Variants in NLGN1 observed in about 807,000 individuals in gnomAD.
NLGN1 encodes neuroligin-1.
A neutral mutation model predicts 65.5 loss-of-function variants in NLGN1; 12 were observed. That is an observed-to-expected ratio of 0.18 (90% confidence interval 0.12 to 0.30). NLGN1 has a LOEUF of 0.30. NLGN1 is among the 10% of genes least tolerant of loss of function. NLGN1 has a pLI of 1.00. For missense variants in NLGN1, 750 were observed against 1,007.1 expected (o/e 0.74, Z 3.46); for synonymous variants, 350 against 359.5 (o/e 0.97, Z 0.30).
chr3:173,531,358 T>A (rs1393320195), intron 2 of NLGN1, among the ~76,000 whole-genome samples: 1 of 152,082 alleles, frequency 6.6e-6, no homozygotes, highest in Non-Finnish European at 1.5e-5. Flanking sequence ...GACATTGCAA[T>A]TTTTTAAAAT....
chr3:173,730,333 C>T (rs1047009242), intron 3 of NLGN1, among the ~76,000 whole-genome samples: 4 of 143,948 alleles, frequency 2.8e-5, no homozygotes, highest in Admixed American at 6.9e-5. Context: ...CCCCCCCCCC[C>T]GCAAAAATAG....
At chr3:174,005,636 C>T (rs974359436) in intron 4 of NLGN1, among the ~76,000 whole-genome samples, 17 of 152,080 alleles carry the variant, frequency 1.1e-4, no homozygotes, top group Admixed American at 1.0e-3. Flanking sequence ...CCCTTACGAG[C>T]AGACACAATA....
At chr3:173,645,820 G>C (rs1362513489) in intron 3 of NLGN1, among the ~76,000 whole-genome samples, 3 of 152,142 alleles carry the variant, frequency 2.0e-5, no homozygotes, top group Non-Finnish European at 4.4e-5. Flanking sequence ...AGAAAGGATC[G>C]GTTCTTTCTC....
At chr3:173,960,639 G>A in intron 4 of NLGN1, among the ~76,000 whole-genome samples, 1 of 151,882 alleles carries the variant, frequency 6.6e-6, no homozygotes, top group African/African-American at 2.4e-5. Flanking sequence ...ACAGATATAG[G>A]ATAATCATTT....
intron 4 of NLGN1, among the ~76,000 whole-genome samples, chr3:174,167,606 T>C (rs35837166): frequency 0.32 from 46,730 of 147,784 alleles, 8,710 homozygotes; most frequent in Non-Finnish European, 0.42. Flanking sequence ...TTTTTTTTTT[T>C]TTTAACCTAG....
chr3:174,102,612 A>G (rs1323070456), intron 4 of NLGN1, among the ~76,000 whole-genome samples: 1 of 152,200 alleles, frequency 6.6e-6, no homozygotes, highest in Non-Finnish European at 1.5e-5. Flanking sequence ...TTAAAAAAAT[A>G]ACGAAGAACA....
At chr3:173,661,524 T>A (rs1047403518) in intron 3 of NLGN1, among the ~76,000 whole-genome samples, 1 of 151,970 alleles carries the variant, frequency 6.6e-6, no homozygotes, top group East Asian at 1.9e-4. Context: ...TAAGCGAGAT[T>A]ATAGAGCAGG....
chr3:173,893,987 G>A (rs1187208661), intron 4 of NLGN1, among the ~76,000 whole-genome samples: 3 of 152,004 alleles, frequency 2.0e-5, no homozygotes, highest in Admixed American at 2.0e-4. Context: ...GAAATGTCCT[G>A]CCAGTTTGTC....
intron 4 of NLGN1, among the ~76,000 whole-genome samples, chr3:174,097,708 C>G (rs1745801773): frequency 6.6e-6 from 1 of 152,076 alleles, no homozygotes; most frequent in African/African-American, 2.4e-5. Flanking sequence ...AATATCTGAT[C>G]CAGTTTACAA....
intron 4 of NLGN1, chr3:174,202,781 T>C (rs1463204075): frequency 2.0e-5 from 3 of 152,174 alleles, no homozygotes; most frequent in African/African-American, 2.4e-5. Context: ...AAATCTGTTA[T>C]TCAAGAATAA....
chr3:173,889,122 A>G (rs1448285140), intron 4 of NLGN1, among the ~76,000 whole-genome samples: 1 of 152,174 alleles, frequency 6.6e-6, no homozygotes, highest in Non-Finnish European at 1.5e-5. Context: ...GCATTTTGAC[A>G]TGAAACTGTT....
chr3:173,725,242 T>C (rs886844654), intron 3 of NLGN1, among the ~76,000 whole-genome samples: 1 of 152,150 alleles, frequency 6.6e-6, no homozygotes, highest in South Asian at 2.1e-4. Context: ...AAACATACAC[T>C]GGAAAAAATA....
At chr3:174,023,729 A>G (rs1728241591) in intron 4 of NLGN1, among the ~76,000 whole-genome samples, 1 of 152,174 alleles carries the variant, frequency 6.6e-6, no homozygotes, top group South Asian at 2.1e-4. Flanking sequence ...AGCAGCAACC[A>G]GACCACTCCA....
chr3:173,591,599 C>G (rs938121956), intron 2 of NLGN1, among the ~76,000 whole-genome samples: 12 of 152,168 alleles, frequency 7.9e-5, no homozygotes, highest in Non-Finnish European at 1.6e-4. Flanking sequence ...TCCAAGGGGT[C>G]AAGATTGACA....
At chr3:174,210,572 T>A (rs1477174964) in intron 4 of NLGN1, among the ~76,000 whole-genome samples, 1 of 152,150 alleles carries the variant, frequency 6.6e-6, no homozygotes, top group East Asian at 1.9e-4. Flanking sequence ...GCAAAAAGCT[T>A]GAGGCCCAAA....
At chr3:173,826,853 G>A (rs1471124794) in intron 4 of NLGN1, among the ~76,000 whole-genome samples, 1 of 152,034 alleles carries the variant, frequency 6.6e-6, no homozygotes, top group Non-Finnish European at 1.5e-5. Context: ...TTTAATGGGG[G>A]CTTGACTTAG....
chr3:173,400,310 C>G (rs746375995), intron 1 of NLGN1, among the ~76,000 whole-genome samples: 2 of 152,038 alleles, frequency 1.3e-5, no homozygotes, highest in Non-Finnish European at 2.9e-5. Flanking sequence ...CCAGTGGCTC[C>G]TTATAGATTA....
In NLGN1 at chr3:173,814,827, GT is replaced by G. The variant is rs1367032325; in HGVS notation, c.646+6998del. Among the ~76,000 whole-genome samples, 4 of 152,004 alleles carry G rather than the reference GT, an allele frequency of 2.6e-5. No individual in the cohort carries two copies. The South Asian group carries it at 6.2e-4, about 24-fold the overall frequency. ...AATAAATAATTAAACAAATCATATA[GT>G]TTACATAGATAACGATTGAATGCAA... On this transcript the variant is annotated intron_variant, in intron 4 of 6. Coordinates refer to ENST00000457714, the Ensembl canonical transcript of NLGN1.
intron 3 of NLGN1, among the ~76,000 whole-genome samples, chr3:173,712,685 C>T (rs1416147823): frequency 2.6e-5 from 4 of 152,108 alleles, no homozygotes; most frequent in Non-Finnish European, 4.4e-5. Flanking sequence ...CTGTCATTAT[C>T]ATTTCTATTA....
Sources: gnomAD v4.1 joint callset for allele counts (sites outside exome capture counted in the v4.1 genomes callset) on GRCh38, gnomAD v4.1.1 for gene constraint, MANE v1.5 for transcripts, NCBI Gene and HGNC (gene_info 2026-07-23, HGNC 2026-07-21) for gene names.